ITPK1: variants seen among roughly 807,000 people sequenced by gnomAD.
ITPK1 encodes the protein inositol 1,3,4-trisphosphate 5/6-kinase.
In ITPK1, 21 loss-of-function variants were observed where a neutral mutation model predicts 45.3. The ratio of observed to expected loss-of-function variants is 0.46; its 90% CI spans 0.33 to 0.67. The LOEUF (loss-of-function observed/expected upper bound fraction) is 0.67, where lower values mean the gene tolerates loss of function less well. ITPK1 is among the 30% of genes least tolerant of loss of function. The probability of loss-of-function intolerance (pLI) is 0.02; values close to 1 mark genes in which losing one functional copy is unlikely to be tolerated. For missense variants in ITPK1, 474 were observed against 573.5 expected (o/e 0.83, Z 1.77); for synonymous variants, 258 against 253.6 (o/e 1.02, Z -0.16).
intron 7 of ITPK1, among the ~76,000 whole-genome samples, chr14:92,960,738 G>A (rs1885028854): frequency 1.3e-5 from 2 of 152,262 alleles, no homozygotes; most frequent in African/African-American, 4.8e-5. Context: ...AAAGGGGCTG[G>A]TGGAAGGCGG....
At chr14:92,982,179 T>G (rs1205163021) in intron 5 of ITPK1, among the ~76,000 whole-genome samples, 1 of 152,230 alleles carries the variant, frequency 6.6e-6, no homozygotes, top group East Asian at 1.9e-4. Context: ...TTACTCAGTG[T>G]GGCAGGCAGA....
At chr14:93,027,892 TCTC>T (rs1320578548) in intron 3 of ITPK1, among the ~76,000 whole-genome samples, 3 of 152,070 alleles carry the variant, frequency 2.0e-5, no homozygotes, top group Non-Finnish European at 4.4e-5. Flanking sequence ...GAATCCTGGC[TCTC>T]CTCTCTCCAA....
intron 3 of ITPK1, among the ~76,000 whole-genome samples, chr14:93,030,829 C>T (rs1413650593): frequency 6.6e-6 from 1 of 152,162 alleles, no homozygotes; most frequent in Non-Finnish European, 1.5e-5. Context: ...CATTCCAGAG[C>T]AGGTAGGTCC....
chr14:92,938,744 G>A lies in ITPK1; in HGVS notation c.*2817C>T, dbSNP rs568379499. ...CCAAGGGCAAAGCACCAGTTCCAGG[G>A]TGGCCTCCCCTTGGCTCTTGGGGTG... On this transcript the variant is annotated 3_prime_UTR_variant, in exon 11 of 11. Transcript: ENST00000267615. The A allele has an allele frequency of 1.7e-6, 1 of 597,272 alleles. No homozygotes were observed. Among genetic ancestry groups the A allele is most frequent in the East Asian group, 2.8e-5 (1 of 35,870 alleles). The allele number at this position is 597,272 out of a possible 1,614,324, so 37.0% of individuals were successfully genotyped here.
chr14:92,987,585 A>G (rs571790766), intron 5 of ITPK1, among the ~76,000 whole-genome samples: 78 of 152,282 alleles, frequency 5.1e-4, no homozygotes, highest in African/African-American at 1.5e-3. Context: ...TCAGCTGTAA[A>G]ATAGATGTTT....
intron 2 of ITPK1, among the ~76,000 whole-genome samples, chr14:93,099,198 G>A (rs1033150188): frequency 2.2e-4 from 34 of 152,092 alleles, no homozygotes; most frequent in African/African-American, 7.5e-4. Context: ...ATATCGGAGC[G>A]GAGTGTCCTG....
intron 3 of ITPK1, among the ~76,000 whole-genome samples, chr14:93,074,368 G>A (rs1017376447): frequency 3.3e-5 from 5 of 152,156 alleles, no homozygotes; most frequent in African/African-American, 9.7e-5. Context: ...CAGACCGAGC[G>A]GATTAAAGAT....
intron 3 of ITPK1, among the ~76,000 whole-genome samples, chr14:93,033,486 C>T (rs536504807): frequency 1.3e-5 from 2 of 152,294 alleles, no homozygotes; most frequent in African/African-American, 2.4e-5. Context: ...GACATCAGAA[C>T]CAGGGTCTAG....
At chr14:92,949,497 CCTCA>C in intron 9 of ITPK1, among the ~76,000 whole-genome samples, 1 of 152,352 alleles carries the variant, frequency 6.6e-6, no homozygotes, top group South Asian at 2.1e-4. Context: ...AGCCCAAGGC[CCTCA>C]CTGAGTCAGA....
At chr14:93,044,446 C>T (rs1889693088) in intron 3 of ITPK1, among the ~76,000 whole-genome samples, 2 of 152,212 alleles carry the variant, frequency 1.3e-5, no homozygotes, top group South Asian at 2.1e-4. Flanking sequence ...AAAATTAAAC[C>T]GAAGCCTAGG....
At position 92,962,755 on chromosome 14, in the gene ITPK1, T is replaced by G; in HGVS notation, c.459A>C (p.Pro153=). The G allele has an allele frequency of 6.2e-7, 1 of 1,612,022 alleles. No individual in the cohort carries two copies. Residue 153 remains proline (P), a synonymous_variant, in exon 6 of 11, where the codon CCA becomes CCC. Transcript: ENST00000267615. The part of the protein sequence containing the change: ...RLLEKNGLTF[P]FICKTRVAHG... ...TGGAGCTGGGATGGTACGCACTGAA[T>G]GGGAAAGTCAAGCCGTTCTTCTCCA...
At chr14:92,980,864 T>C (rs898306254) in intron 5 of ITPK1, among the ~76,000 whole-genome samples, 1 of 152,168 alleles carries the variant, frequency 6.6e-6, no homozygotes, top group African/African-American at 2.4e-5. Context: ...CGTGCCACCA[T>C]GCCCAGCTAA....
intron 2 of ITPK1, among the ~76,000 whole-genome samples, chr14:93,107,701 C>T (rs76290763): frequency 0.02 from 3,108 of 152,252 alleles, 75 homozygotes; most frequent in Admixed American, 0.08. Context: ...TGATTCTTGA[C>T]GCTCCACGGC....
At chr14:93,004,246 G>A (rs551686438) in intron 4 of ITPK1, among the ~76,000 whole-genome samples, 43 of 152,342 alleles carry the variant, frequency 2.8e-4, no homozygotes, top group African/African-American at 8.9e-4. Context: ...GACAGGCACC[G>A]ACCACCAGCC....
At chr14:93,105,582 C>T (rs1168876125) in intron 2 of ITPK1, among the ~76,000 whole-genome samples, 1 of 148,704 alleles carries the variant, frequency 6.7e-6, no homozygotes. Flanking sequence ...ACTGCAGTGA[C>T]GCAATCTCGG....
rs574844537 is a variant in ITPK1, at chr14:93,037,512, A to G, written c.121-20711T>C. On this transcript the variant is annotated intron_variant, in intron 3 of 10. Coordinates refer to ENST00000267615, the MANE Select transcript of ITPK1 (RefSeq NM_014216.6). The stretch of plus-strand genomic sequence containing the variant: ...CCCCAGGCCCCAGCCACCTAGATGC[A>G]CCTTACATGCTCACCTGAGCAGCCA... 2.6e-5 allele frequency among the ~76,000 whole-genome samples: 4 copies of G among 152,286 alleles called. No individual in the cohort carries two copies. In the East Asian group the frequency reaches 7.7e-4, roughly 29 times the overall value.
At chr14:93,029,455 G>A (rs1242610275) in intron 3 of ITPK1, among the ~76,000 whole-genome samples, 1 of 152,028 alleles carries the variant, frequency 6.6e-6, no homozygotes, top group Admixed American at 6.5e-5. Context: ...GGGCCTAGCA[G>A]GGTAAGAAAA....
intron 5 of ITPK1, among the ~76,000 whole-genome samples, chr14:92,967,363 ACAC>A (rs1885429301): frequency 6.6e-6 from 1 of 152,238 alleles, no homozygotes; most frequent in African/African-American, 2.4e-5. Flanking sequence ...CCACAATGAG[ACAC>A]CACTTTACAC....
chr14:92,955,076 G>A (rs1333893856), intron 8 of ITPK1, among the ~76,000 whole-genome samples: 2 of 152,210 alleles, frequency 1.3e-5, no homozygotes, highest in East Asian at 3.8e-4. Context: ...TGGGCACATG[G>A]TAGGTTTGAT....
Sources: gnomAD v4.1 joint callset for allele counts (sites outside exome capture counted in the v4.1 genomes callset) on GRCh38, gnomAD v4.1.1 for gene constraint, MANE v1.5 for transcripts, NCBI Gene and HGNC (gene_info 2026-07-23, HGNC 2026-07-21) for gene names.